Variants in MYO1D observed in about 807,000 individuals in gnomAD.
The protein encoded by MYO1D is myosin ID.
In MYO1D, 83 loss-of-function variants were observed where a neutral mutation model predicts 122.0. The observed-to-expected ratio is 0.68, with a 90% confidence interval of 0.57 to 0.82. MYO1D has a LOEUF of 0.82. Among genes scored for constraint, MYO1D ranks in the 40% least tolerant of loss-of-function variants. The probability of loss-of-function intolerance (pLI) is 0.00; values close to 1 mark genes in which losing one functional copy is unlikely to be tolerated. For synonymous variants in MYO1D, 464 were observed against 446.9 expected, an observed-to-expected ratio of 1.04 and a Z score of -0.48; for missense variants, 1,157 against 1,269.5, an observed-to-expected ratio of 0.91 and a Z score of 1.35.
At chr17:32,605,893 C>A (rs1195792882) in intron 20 of MYO1D, among the ~76,000 whole-genome samples, 1 of 150,930 alleles carries the variant, frequency 6.6e-6, no homozygotes, top group African/African-American at 2.4e-5. Flanking sequence ...CCAGCCTTGG[C>A]AACATGGTGA....
chr17:32,575,420 T>C (rs762607058), intron 21 of MYO1D, among the ~76,000 whole-genome samples: 5 of 152,250 alleles, frequency 3.3e-5, no homozygotes, highest in Non-Finnish European at 7.3e-5. Flanking sequence ...AAATTGAAAT[T>C]AGTGAGGCTT....
intron 21 of MYO1D, chr17:32,498,535 C>G (rs1046925491): frequency 6.6e-6 from 1 of 152,156 alleles, no homozygotes; most frequent in Non-Finnish European, 1.5e-5. Flanking sequence ...GGCACTGTGT[C>G]GGCACTGGAA....
At chr17:32,588,492 A>C (rs1228180012) in intron 21 of MYO1D, among the ~76,000 whole-genome samples, 1 of 152,200 alleles carries the variant, frequency 6.6e-6, no homozygotes, top group Non-Finnish European at 1.5e-5. Flanking sequence ...CAAGAGCCTT[A>C]GTTTTTTTCA....
At chr17:32,633,601 A>T (rs2088053054) in intron 20 of MYO1D, among the ~76,000 whole-genome samples, 1 of 151,896 alleles carries the variant, frequency 6.6e-6, no homozygotes, top group Non-Finnish European at 1.5e-5. Flanking sequence ...AGAGTGCACA[A>T]ATCTCAAGTA....
chr17:32,555,283 A>T (rs2087058432), intron 21 of MYO1D, among the ~76,000 whole-genome samples: 1 of 152,056 alleles, frequency 6.6e-6, no homozygotes, highest in Admixed American at 6.5e-5. Flanking sequence ...GGAAAAGAAC[A>T]GTGACACAGG....
intron 1 of MYO1D, among the ~76,000 whole-genome samples, chr17:32,807,925 G>A (rs999576248): frequency 6.6e-6 from 1 of 152,104 alleles, no homozygotes; most frequent in African/African-American, 2.4e-5. Flanking sequence ...CTAAATAACA[G>A]CATAGATATG....
At chr17:32,557,199 A>G (rs1259463490) in intron 21 of MYO1D, among the ~76,000 whole-genome samples, 1 of 151,324 alleles carries the variant, frequency 6.6e-6, no homozygotes, top group Non-Finnish European at 1.5e-5. Flanking sequence ...GCTCACTGCA[A>G]CCTCTGCCTT....
In MYO1D at chr17:32,561,159, G is replaced by A. The variant is rs1019957942; in HGVS notation, c.2864+43928C>T. On this transcript the variant is annotated intron_variant, in intron 21 of 21. Transcript: ENST00000318217. ...ACTCCTGACCTCAGGTGATCCACCC[G>A]CCTCAACCTCCCAAAGTCTGGCATT... is the stretch of plus-strand genomic sequence containing the variant. Among the ~76,000 whole-genome samples the A allele has an allele frequency of 1.3e-4, 20 of 151,932 alleles. No homozygotes were observed. The East Asian group carries it at 1.8e-3, about 13-fold the overall frequency.
chr17:32,778,326 C>G (rs1203929595), intron 3 of MYO1D, among the ~76,000 whole-genome samples, 154 bp downstream of exon 3: 1 of 152,114 alleles, frequency 6.6e-6, no homozygotes, highest in East Asian at 1.9e-4. Flanking sequence ...AGACAATATG[C>G]ACTTAAGAGA....
chr17:32,684,576 C>T (rs1336698168), intron 16 of MYO1D, among the ~76,000 whole-genome samples: 1 of 152,156 alleles, frequency 6.6e-6, no homozygotes, highest in Non-Finnish European at 1.5e-5. Flanking sequence ...GGAAGTGTTA[C>T]ATCCAAGGGC....
chr17:32,591,061 G>A (rs55946407), intron 21 of MYO1D, among the ~76,000 whole-genome samples: 18,694 of 152,206 alleles, frequency 0.12, 1,504 homozygotes, highest in Middle Eastern at 0.23. Flanking sequence ...AAAATCTCCC[G>A]TCATCAAGGC....
At chr17:32,775,030 G>A (rs1244291069) in intron 4 of MYO1D, among the ~76,000 whole-genome samples, 1 of 152,184 alleles carries the variant, frequency 6.6e-6, no homozygotes, top group African/African-American at 2.4e-5. Flanking sequence ...GCTGGGTGCA[G>A]CAGCTCATGC....
Position 32,681,511 on chromosome 17 carries a change from C to T in MYO1D, c.2122-22173G>A, listed in dbSNP as rs1048964773. Among the ~76,000 whole-genome samples the T allele has an allele frequency of 1.9e-4, 29 of 149,098 alleles. No individual in the cohort carries two copies. In the East Asian group the frequency reaches 2.9e-3, roughly 15 times the overall value. On this transcript the variant is annotated intron_variant, in intron 16 of 21. Coordinates refer to ENST00000318217, the MANE Select transcript of MYO1D (RefSeq NM_015194.3). ...TTTCTGCCTTCATTTCGTTATGTAC[C>T]CAGTAGTCATTCAGGAGCAGGTTGT...
At chr17:32,866,482 C>A (rs778925394) in intron 1 of MYO1D, among the ~76,000 whole-genome samples, 1 of 152,100 alleles carries the variant, frequency 6.6e-6, no homozygotes, top group Non-Finnish European at 1.5e-5. Context: ...CTGCCGTATC[C>A]CTGAACAGTA....
chr17:32,766,031 C>G (rs910467506), intron 7 of MYO1D, among the ~76,000 whole-genome samples: 2 of 151,962 alleles, frequency 1.3e-5, no homozygotes, highest in South Asian at 2.1e-4. Flanking sequence ...ACTACAGATG[C>G]GTGCCACCAT....
At chr17:32,848,372 GGTAA>G (rs531619741) in intron 1 of MYO1D, among the ~76,000 whole-genome samples, 3 of 152,160 alleles carry the variant, frequency 2.0e-5, no homozygotes, top group Non-Finnish European at 1.5e-5. Context: ...CTCAAATATT[GGTAA>G]GTGAGTGATA....
intron 16 of MYO1D, among the ~76,000 whole-genome samples, chr17:32,673,165 A>G: frequency 8.8e-6 from 1 of 113,960 alleles, no homozygotes; most frequent in East Asian, 2.9e-4. Flanking sequence ...GCTGGAGTGC[A>G]GTATCTTGGC....
intron 21 of MYO1D, among the ~76,000 whole-genome samples, chr17:32,588,887 G>A (rs1221380653): frequency 2.0e-5 from 3 of 151,928 alleles, no homozygotes; most frequent in Non-Finnish European, 4.4e-5. Context: ...AGGGTGCAGT[G>A]AGCTGAGATC....
At chr17:32,720,380 G>A (rs1465797486) in intron 15 of MYO1D, among the ~76,000 whole-genome samples, 1 of 152,040 alleles carries the variant, frequency 6.6e-6, no homozygotes, top group Non-Finnish European at 1.5e-5. Context: ...ATGCTTCAAG[G>A]TAGTTATTAT....
Sources: gnomAD v4.1 joint callset for allele counts (sites outside exome capture counted in the v4.1 genomes callset) on GRCh38, gnomAD v4.1.1 for gene constraint, MANE v1.5 for transcripts, NCBI Gene and HGNC (gene_info 2026-07-23, HGNC 2026-07-21) for gene names.